BRWD3: variants seen among roughly 807,000 people sequenced by gnomAD.
BRWD3 encodes bromodomain and WD repeat-containing protein 3.
In BRWD3, 10 loss-of-function variants were observed where a neutral mutation model predicts 149.7. The ratio of observed to expected loss-of-function variants is 0.07; its 90% confidence interval spans 0.04 to 0.11. The LOEUF is 0.11. BRWD3 is among the 10% of genes least tolerant of loss of function. BRWD3 has a pLI of 1.00. For missense variants in BRWD3, 940 were observed against 1,373.2 expected, an observed-to-expected ratio of 0.68 and a Z score of 4.99; for synonymous variants, 504 against 456.7, an observed-to-expected ratio of 1.10 and a Z score of -1.32.
At chrX:80,723,073 C>T (rs1172000057) in intron 16 of BRWD3, among the ~76,000 whole-genome samples, 3 of 111,229 alleles carry the variant, frequency 2.7e-5, no homozygotes, top group Non-Finnish European at 3.8e-5. Flanking sequence ...TATAGTTGGG[C>T]GTTTGTATTG....
intron 6 of BRWD3, among the ~76,000 whole-genome samples, chrX:80,779,692 C>G (rs377303760): frequency 9.0e-6 from 1 of 111,585 alleles, no homozygotes; most frequent in African/African-American, 3.3e-5. Flanking sequence ...AAAGAAGCCA[C>G]GAAAGCGACA....
rs781152524 is a variant in BRWD3, at chrX:80,697,850, T to G, written c.2944-987A>C. Among the ~76,000 whole-genome samples, 3 of 112,355 alleles carry G rather than the reference T, an allele frequency of 2.7e-5. No individual in the cohort carries two copies. In the South Asian group the frequency reaches 1.1e-3, roughly 41 times the overall value. On this transcript the variant is annotated intron_variant, in intron 25 of 40. Coordinates refer to ENST00000373275, the MANE Select transcript of BRWD3 (RefSeq NM_153252.5). ...TATATACCCAGTAATGGAATTTGGG[T>G]AGTTCTACTTTAAGTCTCCTGAGAA... is the stretch of plus-strand genomic sequence containing the variant.
intron 36 of BRWD3, among the ~76,000 whole-genome samples, chrX:80,685,100 G>A: frequency 8.9e-6 from 1 of 111,741 alleles, no homozygotes; most frequent in Non-Finnish European, 1.9e-5. Context: ...TAGAACTTGT[G>A]TAGTATGATG....
chrX:80,680,849 C>G (rs1197449824), intron 40 of BRWD3, among the ~76,000 whole-genome samples: 3 of 110,290 alleles, frequency 2.7e-5, no homozygotes, highest in African/African-American at 9.9e-5. Flanking sequence ...CACTCTGTCA[C>G]ACGGGCTGGA....
intron 30 of BRWD3, 40 bp from the exon 31 acceptor site, chrX:80,691,213 A>T (rs1402586031): frequency 8.5e-7 from 1 of 1,174,784 alleles, no homozygotes; most frequent in African/African-American, 1.8e-5. Flanking sequence ...GCTATAAAGG[A>T]CATTAACATC....
chrX:80,683,949 C>T (rs2072488829), intron 37 of BRWD3, 61 bp downstream of exon 37: 2 of 1,112,098 alleles, frequency 1.8e-6, no homozygotes, highest in Non-Finnish European at 2.5e-6. Flanking sequence ...ATACTGAGGA[C>T]CAATTTTCAG....
At chrX:80,734,563 G>C (rs1316207297) in intron 10 of BRWD3, among the ~76,000 whole-genome samples, 1 of 111,403 alleles carries the variant, frequency 9.0e-6, no homozygotes, top group Non-Finnish European at 1.9e-5. Context: ...TAGTGGTTGA[G>C]TGTAAAAAGT....
intron 8 of BRWD3, among the ~76,000 whole-genome samples, chrX:80,743,440 TC>T (rs1353386205): frequency 6.3e-5 from 7 of 111,979 alleles, no homozygotes; most frequent in Non-Finnish European, 1.3e-4. Flanking sequence ...TCCCTCTTTT[TC>T]TATTGATTGG....
chrX:80,703,290 C>T (rs1183561147), intron 24 of BRWD3, among the ~76,000 whole-genome samples, 190 bp downstream of exon 24: 2 of 110,870 alleles, frequency 1.8e-5, no homozygotes, highest in Non-Finnish European at 3.8e-5. Context: ...AGCTACTGTG[C>T]CAGGACCTAC....
chrX:80,678,736 A>C (rs2147669517), intron 40 of BRWD3, among the ~76,000 whole-genome samples: 1 of 111,514 alleles, frequency 9.0e-6, no homozygotes, highest in African/African-American at 3.3e-5. Flanking sequence ...ACAAGAGAGC[A>C]GACTGGAAGA....
chrX:80,714,219 CTTTTTTTTTTTT>C (rs987098536), intron 20 of BRWD3, among the ~76,000 whole-genome samples: 1 of 61,802 alleles, frequency 1.6e-5, no homozygotes, highest in Admixed American at 2.2e-4. Flanking sequence ...AAACCTTCAT[CTTTTTTTTTTTT>C]TTTTTTTTTT....
At chrX:80,687,156 T>C (rs746013626) in intron 34 of BRWD3, among the ~76,000 whole-genome samples, 153 bp from the exon 35 acceptor site, 57 of 109,895 alleles carry the variant, frequency 5.2e-4, no homozygotes, top group South Asian at 3.1e-3. Context: ...TAGTTTAAAT[T>C]AGACAGTATT....
intron 8 of BRWD3, among the ~76,000 whole-genome samples, chrX:80,740,927 T>C (rs1181808301): frequency 8.9e-6 from 1 of 111,822 alleles, no homozygotes; most frequent in Non-Finnish European, 1.9e-5. Flanking sequence ...TTTTAAATTA[T>C]ACTTTAAGTT....
intron 25 of BRWD3, 38 bp downstream of exon 25, chrX:80,699,919 T>C (rs373015518): frequency 6.8e-6 from 7 of 1,034,252 alleles, no homozygotes; most frequent in Middle Eastern, 2.5e-4. Context: ...ATTCCAAAGC[T>C]ACTTCCATTG....
At chrX:80,697,595 C>A (rs760307423) in intron 25 of BRWD3, among the ~76,000 whole-genome samples, 1 of 111,616 alleles carries the variant, frequency 9.0e-6, no homozygotes, top group South Asian at 3.8e-4. Flanking sequence ...TGTTTTTCAG[C>A]TGTTTTACTT....
At chrX:80,791,395 C>T (rs1183828522) in intron 6 of BRWD3, among the ~76,000 whole-genome samples, 1 of 110,857 alleles carries the variant, frequency 9.0e-6, no homozygotes, top group Non-Finnish European at 1.9e-5. Flanking sequence ...CAGAGATGTC[C>T]CAAGAATAAT....
Position 80,726,085 on chromosome X carries a change from TAAC to T in BRWD3, c.1387-1021_1387-1019del, listed in dbSNP as rs201707054. On this transcript the variant is annotated intron_variant, in intron 14 of 40. Coordinates refer to ENST00000373275, the MANE Select transcript of BRWD3 (RefSeq NM_153252.5). ...ACAACATGTTTACATGTTGTCTGTATAACAACATGTTTACATGTTATGTGTCTG... is the reference window on the plus strand; with the variant it reads ...ACAACATGTTTACATGTTGTCTGTATAACATGTTTACATGTTATGTGTCTG... Among the ~76,000 whole-genome samples, 1,040 of 110,357 alleles carry T rather than the reference TAAC, an allele frequency of 9.4e-3. 21 individuals carry two copies. The highest frequency in any genetic ancestry group is 0.033 in the South Asian group (88 of 2,679).
At chrX:80,794,819 G>C (rs1473612629) in intron 4 of BRWD3, among the ~76,000 whole-genome samples, 1 of 111,014 alleles carries the variant, frequency 9.0e-6, no homozygotes. Flanking sequence ...CAGGTGATGA[G>C]TAAACTCTCT....
chrX:80,672,946 A>G lies in BRWD3; in HGVS notation c.*3663T>C, dbSNP rs1186263992. The stretch of plus-strand genomic sequence containing the variant: ...ATGATTTCCAACATACATCAGCTGT[A>G]AAAGGTGTTTAATTCCCCATTACCA... On this transcript the variant is annotated 3_prime_UTR_variant, in exon 41 of 41. Coordinates refer to ENST00000373275, the MANE Select transcript of BRWD3 (RefSeq NM_153252.5). 4.5e-5 allele frequency: 5 copies of G among 112,295 alleles called. No homozygotes were observed. Among genetic ancestry groups the G allele is most frequent in the African/African-American group, 1.6e-4 (5 of 30,934 alleles). 9.3% of individuals were successfully genotyped at this position (112,295 alleles called of 1,213,427 possible).
Sources: gnomAD v4.1 joint callset for allele counts (sites outside exome capture counted in the v4.1 genomes callset) on GRCh38, gnomAD v4.1.1 for gene constraint, MANE v1.5 for transcripts, NCBI Gene and HGNC (gene_info 2026-07-23, HGNC 2026-07-21) for gene names.